The following ARNT2 variants were observed in gnomAD, a reference collection of about 807,000 sequenced individuals.
ARNT2 encodes the protein aryl hydrocarbon receptor nuclear translocator 2.
A neutral mutation model predicts 91.7 loss-of-function variants in ARNT2; 36 were observed. That is an observed-to-expected ratio of 0.39 (90% CI 0.30 to 0.52). The LOEUF (loss-of-function observed/expected upper bound fraction) is 0.52. ARNT2 is among the 20% of genes least tolerant of loss of function. ARNT2 has a pLI of 0.72. For missense variants in ARNT2, 775 were observed against 939.3 expected (o/e 0.83, Z 2.29); for synonymous variants, 365 against 347.1 (o/e 1.05, Z -0.57).
At chr15:80,408,619 A>T (rs766831714) in intron 1 of ARNT2, among the ~76,000 whole-genome samples, 5 of 152,216 alleles carry the variant, frequency 3.3e-5, no homozygotes, top group Non-Finnish European at 5.9e-5. Flanking sequence ...CGTGTGCGCT[A>T]TGCTTGCAAG....
intron 1 of ARNT2, 64 bp from the exon 2 acceptor site, chr15:80,450,816 C>G: frequency 6.5e-7 from 1 of 1,544,524 alleles, no homozygotes; most frequent in East Asian, 2.2e-5. Flanking sequence ...CGTATCACAA[C>G]TTTCTTGCCC....
intron 1 of ARNT2, among the ~76,000 whole-genome samples, chr15:80,449,363 A>G (rs1270396798): frequency 6.6e-6 from 1 of 152,190 alleles, no homozygotes; most frequent in African/African-American, 2.4e-5. Flanking sequence ...AATGGACTCA[A>G]TGTGTTTTAG....
At chr15:80,547,807 T>C (rs2141453826) in intron 8 of ARNT2, among the ~76,000 whole-genome samples, 1 of 152,306 alleles carries the variant, frequency 6.6e-6, no homozygotes, top group East Asian at 1.9e-4. Flanking sequence ...TTTTTTAATG[T>C]TGTATAATGC....
At chr15:80,456,563 C>T (rs191260030) in intron 2 of ARNT2, among the ~76,000 whole-genome samples, 53 of 152,272 alleles carry the variant, frequency 3.5e-4, no homozygotes, top group African/African-American at 1.1e-3. Flanking sequence ...TTTGCCTTAC[C>T]TAATTCCAGT....
At chr15:80,413,263 C>G (rs958267194) in intron 1 of ARNT2, among the ~76,000 whole-genome samples, 2 of 152,204 alleles carry the variant, frequency 1.3e-5, no homozygotes, top group African/African-American at 4.8e-5. Context: ...CACCCCCTCC[C>G]TTACCAATTC....
At chr15:80,406,213 C>T (rs1341211435) in intron 1 of ARNT2, among the ~76,000 whole-genome samples, 6 of 152,112 alleles carry the variant, frequency 3.9e-5, no homozygotes, top group Non-Finnish European at 7.4e-5. Context: ...CATGGAGACA[C>T]CAAGGTGAAG....
chr15:80,555,035 G>A (rs1045253828), intron 10 of ARNT2, 30 bp from the exon 11 acceptor site: 17 of 1,589,454 alleles, frequency 1.1e-5, no homozygotes, highest in Non-Finnish European at 1.3e-5. Context: ...AATGGATCTG[G>A]GATTATTAAA....
At chr15:80,561,572 C>A (rs1250554427) in intron 11 of ARNT2, among the ~76,000 whole-genome samples, 1 of 152,178 alleles carries the variant, frequency 6.6e-6, no homozygotes, top group Non-Finnish European at 1.5e-5. Flanking sequence ...ATTTCAGTTA[C>A]CAGCAGTCAA....
chr15:80,550,789 T>C (rs1228731484), intron 8 of ARNT2, among the ~76,000 whole-genome samples: 1 of 152,264 alleles, frequency 6.6e-6, no homozygotes, highest in African/African-American at 2.4e-5. Flanking sequence ...TGGTTTTTAC[T>C]TGTGTTTCTT....
At chr15:80,452,711 C>G (rs1439970839) in intron 2 of ARNT2, among the ~76,000 whole-genome samples, 1 of 152,150 alleles carries the variant, frequency 6.6e-6, no homozygotes, top group Non-Finnish European at 1.5e-5. Context: ...CAGAGATGCT[C>G]AGGCCCAGCC....
intron 5 of ARNT2, among the ~76,000 whole-genome samples, chr15:80,480,962 A>G (rs1595981008): frequency 6.6e-6 from 1 of 152,170 alleles, no homozygotes; most frequent in African/African-American, 2.4e-5. Flanking sequence ...TCCTTCCCCT[A>G]TCTCCTATAT....
chr15:80,415,584 A>C (rs1895767819), intron 1 of ARNT2, among the ~76,000 whole-genome samples: 1 of 152,166 alleles, frequency 6.6e-6, no homozygotes, highest in Admixed American at 6.5e-5. Flanking sequence ...CAGGCTGGTG[A>C]GGAGGGAGGC....
chr15:80,455,950 A>T (rs986174292), intron 2 of ARNT2, among the ~76,000 whole-genome samples: 1 of 152,160 alleles, frequency 6.6e-6, no homozygotes, highest in African/African-American at 2.4e-5. Context: ...AATAACCTTC[A>T]TGTGGACGGC....
chr15:80,480,827 T>C (rs1896875057), intron 5 of ARNT2, among the ~76,000 whole-genome samples: 1 of 152,062 alleles, frequency 6.6e-6, no homozygotes, highest in East Asian at 1.9e-4. Context: ...CCTTCCTCCT[T>C]CCCTCTTTCT....
chr15:80,531,697 C>T (rs1397875303), intron 8 of ARNT2, among the ~76,000 whole-genome samples: 1 of 152,216 alleles, frequency 6.6e-6, no homozygotes, highest in Non-Finnish European at 1.5e-5. Context: ...TGAGTAGGAG[C>T]TGGATCTCAT....
chr15:80,530,658 G>T (rs542323355), intron 8 of ARNT2, among the ~76,000 whole-genome samples: 11 of 152,248 alleles, frequency 7.2e-5, no homozygotes, highest in Non-Finnish European at 1.5e-4. Context: ...GGAGGGACGG[G>T]TAGTTACTCA....
Position 80,594,056 on chromosome 15 carries a change from C to T in ARNT2, c.*358C>T, listed in dbSNP as rs190456280. The T allele has an allele frequency of 1.4e-3, 276 of 195,382 alleles. No individual in the cohort carries two copies. Among genetic ancestry groups the T allele is most frequent in the Middle Eastern group, 6.0e-3 (3 of 504 alleles). 12.1% of individuals were successfully genotyped at this position (195,382 alleles called of 1,614,324 possible). ...GCCAATGCCCAGAGTGACCAAGCAG[C>T]ACCAGCAGGCCTGCCCAGGATGCTG... On this transcript the variant is annotated 3_prime_UTR_variant, in exon 19 of 19. Transcript: ENST00000303329.
chr15:80,438,658 A>C (rs1896132637), intron 1 of ARNT2, among the ~76,000 whole-genome samples: 1 of 152,228 alleles, frequency 6.6e-6, no homozygotes, highest in Non-Finnish European at 1.5e-5. Context: ...AGAATATGAC[A>C]GTCTTTGTAA....
chr15:80,479,432 A>G lies in ARNT2; in HGVS notation c.622+4209A>G, dbSNP rs114628757. ...ATAAAACTGGAATTTATCCACATGG[A>G]GAGAGAATGGGTGAAGCCTTACCAT... On this transcript the variant is annotated intron_variant, in intron 5 of 18. Coordinates refer to ENST00000303329, the MANE Select transcript of ARNT2 (RefSeq NM_014862.4). 8.1e-3 allele frequency among the ~76,000 whole-genome samples: 1,236 copies of G among 152,312 alleles called. 17 individuals are homozygous for G. Among genetic ancestry groups the G allele is most frequent in the African/African-American group, 0.028 (1,177 of 41,564 alleles).
Sources: allele counts gnomAD v4.1 joint callset (sites outside exome capture counted in the v4.1 genomes callset), GRCh38; gene constraint gnomAD v4.1.1; transcripts MANE v1.5; gene names NCBI Gene and HGNC (gene_info 2026-07-23, HGNC 2026-07-21).